The following ARHGAP15 variants were observed in gnomAD, a reference collection of about 807,000 sequenced individuals.
ARHGAP15 encodes Rho GTPase activating protein 15.
In ARHGAP15, 51 loss-of-function variants were observed where a neutral mutation model predicts 63.7. That is an observed-to-expected ratio of 0.80 (90% CI 0.64 to 1.01). The LOEUF is 1.01. Ranked by LOEUF, ARHGAP15 falls within the 50% of genes least tolerant of loss-of-function variation. The pLI is 0.00. For synonymous variants in ARHGAP15, 191 were observed against 193.8 expected (o/e 0.99, Z 0.12); for missense variants, 560 against 564.6 (o/e 0.99, Z 0.08).
In ARHGAP15 at chr2:143,579,899, A is replaced by G. The variant is rs143170987; in HGVS notation, c.1003+23414A>G. Among the ~76,000 whole-genome samples, 3 of 148,790 alleles carry G rather than the reference A, an allele frequency of 2.0e-5. No homozygotes were observed. The East Asian group carries it at 5.9e-4, about 29-fold the overall frequency. ...TTTTTATTTTTATTTTTATTTATTT[A>G]TTTAAGTTTTAGGGTACATGTGCAC... On this transcript the variant is annotated intron_variant, in intron 11 of 13. Transcript: ENST00000295095.
At chr2:143,570,550 A>C (rs565502590) in intron 11 of ARHGAP15, among the ~76,000 whole-genome samples, 2 of 152,330 alleles carry the variant, frequency 1.3e-5, no homozygotes, top group Admixed American at 6.5e-5. Flanking sequence ...GATTCCATCC[A>C]GAGTTGGACC....
chr2:143,596,179 A>G (rs770311883), intron 11 of ARHGAP15, among the ~76,000 whole-genome samples: 2 of 152,158 alleles, frequency 1.3e-5, no homozygotes, highest in African/African-American at 2.4e-5. Flanking sequence ...GAAGAATACT[A>G]TGATTTTAAT....
chr2:143,162,197 G>C (rs768937675), intron 2 of ARHGAP15: 1 of 151,992 alleles, frequency 6.6e-6, no homozygotes, highest in Non-Finnish European at 1.5e-5. Flanking sequence ...CGAAGTCACT[G>C]TCAGCTAGGA....
At chr2:143,700,423 T>G (rs530832431) in intron 12 of ARHGAP15, among the ~76,000 whole-genome samples, 42 of 152,296 alleles carry the variant, frequency 2.8e-4, no homozygotes, top group African/African-American at 9.6e-4. Flanking sequence ...AAAGCTTAAT[T>G]TATAGCTGCT....
intron 13 of ARHGAP15, among the ~76,000 whole-genome samples, chr2:143,728,148 TCAG>T (rs1187206734): frequency 6.6e-6 from 1 of 152,194 alleles, no homozygotes; most frequent in East Asian, 1.9e-4. Flanking sequence ...GGTCAAGATA[TCAG>T]CAGGTTTGTT....
chr2:143,716,775 CAA>C (rs1574882146), intron 13 of ARHGAP15, among the ~76,000 whole-genome samples: 1 of 152,234 alleles, frequency 6.6e-6, no homozygotes, highest in African/African-American at 2.4e-5. Flanking sequence ...AATGGTAAAA[CAA>C]AGAGTGAGAA....
At chr2:143,197,776 G>A (rs1691939842) in intron 2 of ARHGAP15, among the ~76,000 whole-genome samples, 1 of 151,952 alleles carries the variant, frequency 6.6e-6, no homozygotes, top group East Asian at 1.9e-4. Flanking sequence ...ATTGATTTAG[G>A]AATGATCAGC....
At chr2:143,279,092 G>A (rs1190601597) in intron 6 of ARHGAP15, among the ~76,000 whole-genome samples, 2 of 152,118 alleles carry the variant, frequency 1.3e-5, no homozygotes, top group African/African-American at 4.8e-5. Flanking sequence ...TCTCTGGGAA[G>A]CTGGGAGGAT....
intron 6 of ARHGAP15, among the ~76,000 whole-genome samples, chr2:143,262,010 A>G (rs554011647): frequency 1.1e-4 from 16 of 152,226 alleles, no homozygotes; most frequent in Admixed American, 9.8e-4. Context: ...CAGGCTGTTC[A>G]TGGGTGGGCG....
chr2:143,291,775 T>C (rs114075878), intron 6 of ARHGAP15, among the ~76,000 whole-genome samples: 1,562 of 152,190 alleles, frequency 0.01, 33 homozygotes, highest in African/African-American at 0.036. Context: ...CTTGCCCCTC[T>C]ATATCTACCC....
At position 143,485,861 on chromosome 2, in the gene ARHGAP15, A is replaced by G. The variant is rs184248874; in HGVS notation, c.704-1512A>G. Among the ~76,000 whole-genome samples, 453 of 152,310 alleles carry G rather than the reference A, an allele frequency of 3.0e-3. 4 individuals are homozygous for G. Among genetic ancestry groups the G allele is most frequent in the African/African-American group, 0.011 (438 of 41,580 alleles). ...TTTTCAGGTAGCAAGAATTGTCTCA[A>G]TTTAGTAATTTACAGTACCTAGTCC... On this transcript the variant is annotated intron_variant, in intron 8 of 13. Coordinates refer to ENST00000295095, the MANE Select transcript of ARHGAP15 (RefSeq NM_018460.4).
intron 12 of ARHGAP15, among the ~76,000 whole-genome samples, chr2:143,685,972 A>G (rs1683319640): frequency 6.6e-6 from 1 of 152,202 alleles, no homozygotes; most frequent in Admixed American, 6.5e-5. Flanking sequence ...GTTAGCTGGA[A>G]AAGAATAACA....
At chr2:143,312,533 T>C (rs1574255846) in intron 6 of ARHGAP15, among the ~76,000 whole-genome samples, 2 of 152,268 alleles carry the variant, frequency 1.3e-5, no homozygotes, top group East Asian at 1.9e-4. Context: ...GTAACGTATG[T>C]CATGATTTTT....
chr2:143,255,227 GA>G (rs780430812), intron 6 of ARHGAP15, among the ~76,000 whole-genome samples: 1 of 151,904 alleles, frequency 6.6e-6, no homozygotes, highest in Non-Finnish European at 1.5e-5. Flanking sequence ...TTGAAAGGCA[GA>G]AAAAATTAAA....
chr2:143,330,822 T>C (rs554315629), intron 6 of ARHGAP15, among the ~76,000 whole-genome samples: 1 of 152,342 alleles, frequency 6.6e-6, no homozygotes, highest in African/African-American at 2.4e-5. Context: ...AATGTGGATG[T>C]CCATAGGGAA....
chr2:143,153,815 CTTCTTCT>C (rs1689942608), intron 1 of ARHGAP15, among the ~76,000 whole-genome samples: 3 of 80,028 alleles, frequency 3.7e-5, no homozygotes, highest in Admixed American at 1.5e-4. Flanking sequence ...TCTTCTTCTT[CTTCTTCT>C]TCTTCTTCTT....
chr2:143,205,183 A>C (rs1692280709), intron 3 of ARHGAP15, among the ~76,000 whole-genome samples: 3 of 150,936 alleles, frequency 2.0e-5, no homozygotes, highest in Admixed American at 2.0e-4. Context: ...GCTACTTGTT[A>C]GGCTGAGGCA....
At chr2:143,479,440 C>T (rs1412576664) in intron 8 of ARHGAP15, among the ~76,000 whole-genome samples, 1 of 151,840 alleles carries the variant, frequency 6.6e-6, no homozygotes, top group African/African-American at 2.4e-5. Flanking sequence ...AGAAGAGAAC[C>T]CATTCCTGTA....
chr2:143,421,788 ATATATATATATATGTG>A (rs1461935072), intron 6 of ARHGAP15, among the ~76,000 whole-genome samples: 2 of 8,660 alleles, frequency 2.3e-4, no homozygotes, highest in South Asian at 5.2e-3. Context: ...ATATATATAT[ATATATATATATATGTG>A]TGTGTTTCAT....
Sources: allele counts gnomAD v4.1 joint callset (sites outside exome capture counted in the v4.1 genomes callset), GRCh38; gene constraint gnomAD v4.1.1; transcripts MANE v1.5; gene names NCBI Gene and HGNC (gene_info 2026-07-23, HGNC 2026-07-21).